The following WDR19 variants were observed in gnomAD, a reference collection of about 807,000 sequenced individuals.
The protein encoded by WDR19 is WD repeat-containing protein 19.
A neutral mutation model predicts 180.0 loss-of-function variants in WDR19; 121 were observed. That is an observed-to-expected ratio of 0.67 (90% confidence interval 0.58 to 0.78). The LOEUF is 0.78. WDR19 is among the 30% of genes least tolerant of loss of function. The pLI, the probability that WDR19 is intolerant of heterozygous loss-of-function variation, is 0.00. For synonymous variants in WDR19, 497 were observed against 540.7 expected (o/e 0.92, Z 1.12); for missense variants, 1,450 against 1,640.7 (o/e 0.88, Z 2.01).
At chr4:39,182,817 G>A (rs1009761167) in intron 1 of WDR19, among the ~76,000 whole-genome samples, 2 of 152,116 alleles carry the variant, frequency 1.3e-5, no homozygotes, top group African/African-American at 4.8e-5. Flanking sequence ...TAGAAGCGGT[G>A]CAGAAAGTGG....
intron 21 of WDR19, among the ~76,000 whole-genome samples, chr4:39,243,519 C>G (rs1323536196): frequency 6.6e-6 from 1 of 152,054 alleles, no homozygotes; most frequent in African/African-American, 2.4e-5. Flanking sequence ...TTGACATTTT[C>G]TTTGTCTGGC....
At chr4:39,208,303 A>ATTTT (rs34189923) in intron 9 of WDR19, among the ~76,000 whole-genome samples, 4 of 103,392 alleles carry the variant, frequency 3.9e-5, no homozygotes, top group Non-Finnish European at 8.3e-5. Flanking sequence ...GACTGAGTGG[A>ATTTT]TTTTTTTTTT....
chr4:39,187,561 C>G (rs1725703745), intron 3 of WDR19, among the ~76,000 whole-genome samples: 1 of 152,150 alleles, frequency 6.6e-6, no homozygotes, highest in Non-Finnish European at 1.5e-5. Context: ...CTCTAACAGC[C>G]TTTCCTACCT....
Position 39,234,619 on chromosome 4 carries a change from TA to T in WDR19, c.2254-146del. The T allele has an allele frequency of 4.6e-6, 3 of 648,030 alleles. No homozygotes were observed. The South Asian group carries it at 5.4e-5, about 12-fold the overall frequency. The allele number at this position is 648,030 out of a possible 1,614,324, so 40.1% of individuals were successfully genotyped here. A position where few individuals can be genotyped will look rare whatever the true frequency, so the allele number is the denominator to read the frequency against. The stretch of plus-strand genomic sequence containing the variant: ...TCAAGACCCTATTGAGAATACATAC[TA>T]TAGTAATATATTATCATTGTAAAGA... On this transcript the variant is annotated intron_variant, in intron 19 of 36. Transcript: ENST00000399820.
intron 36 of WDR19, among the ~76,000 whole-genome samples, chr4:39,283,204 T>C (rs1481262715): frequency 2.6e-5 from 4 of 152,208 alleles, no homozygotes; most frequent in South Asian, 4.1e-4. Context: ...TGAGATGATA[T>C]GGTTTTTTCT....
intron 9 of WDR19, among the ~76,000 whole-genome samples, chr4:39,207,028 TA>T (rs907446879): frequency 6.6e-6 from 1 of 151,844 alleles, no homozygotes; most frequent in East Asian, 1.9e-4. Flanking sequence ...GAAATAACAA[TA>T]AAAAAACACC....
intron 36 of WDR19, among the ~76,000 whole-genome samples, chr4:39,285,067 GAA>G (rs1049326078): frequency 9.4e-6 from 1 of 106,150 alleles, no homozygotes; most frequent in Non-Finnish European, 1.8e-5. Flanking sequence ...CATCTCCTAG[GAA>G]AAAAAAAAAG....
At chr4:39,191,090 T>G (rs1022296889) in intron 4 of WDR19, among the ~76,000 whole-genome samples, 1 of 152,188 alleles carries the variant, frequency 6.6e-6, no homozygotes, top group Non-Finnish European at 1.5e-5. Flanking sequence ...GGCATAAAAT[T>G]AAGACCCAAG....
In WDR19 at chr4:39,262,434, T is replaced by G. The variant is rs187006780; in HGVS notation, c.3184-3629T>G. Among the ~76,000 whole-genome samples the G allele has an allele frequency of 1.0e-3, 158 of 152,144 alleles. 1 individual carries two copies. The highest frequency in any genetic ancestry group is 3.6e-3 in the African/African-American group (149 of 41,512). On this transcript the variant is annotated intron_variant, in intron 28 of 36. Transcript: ENST00000399820. ...ATTTTTTATTTTTGTAGAGATGGGT[T>G]TTTGCTATGTTGCCTTGGCTGGTCT...
rs187028976 is a variant in WDR19, at chr4:39,199,603, T to C, written c.522+10T>C. The C allele has an allele frequency of 1.4e-5, 22 of 1,591,290 alleles. No individual in the cohort carries two copies. Among genetic ancestry groups the C allele is most frequent in the Non-Finnish European group, 5.2e-6 (6 of 1,160,190 alleles). ...TGACACGATAAGACAGGTAATACAG[T>C]AACGTCTCTTTGGTCTGATATATTC... On this transcript the variant is annotated intron_variant, in intron 6 of 36. Coordinates refer to ENST00000399820, the MANE Select transcript of WDR19 (RefSeq NM_025132.4).
chr4:39,258,893 C>T lies in WDR19; in HGVS notation c.3183+1339C>T, dbSNP rs190632202. Among the ~76,000 whole-genome samples, 491 of 152,220 alleles carry T rather than the reference C, an allele frequency of 3.2e-3. 5 individuals are homozygous for T. The highest frequency in any genetic ancestry group is 4.9e-3 in the Non-Finnish European group (330 of 68,022). ...GACCAGCCTGGCCAACATGGTGAAA[C>T]CCCATCTCTACTAAAAATACAAAAA... On this transcript the variant is annotated intron_variant, in intron 28 of 36. Coordinates refer to ENST00000399820, the MANE Select transcript of WDR19 (RefSeq NM_025132.4).
At chr4:39,259,881 C>G (rs1734118328) in intron 28 of WDR19, among the ~76,000 whole-genome samples, 1 of 152,152 alleles carries the variant, frequency 6.6e-6, no homozygotes, top group Non-Finnish European at 1.5e-5. Flanking sequence ...ACAACAATTC[C>G]TTGATATTGT....
intron 10 of WDR19, among the ~76,000 whole-genome samples, chr4:39,214,961 T>TG (rs1728914652): frequency 6.6e-6 from 1 of 152,098 alleles, no homozygotes; most frequent in East Asian, 1.9e-4. Flanking sequence ...TTAGTAGAGA[T>TG]GGGGTTTCAC....
intron 1 of WDR19, 80 bp from the exon 2 acceptor site, chr4:39,185,646 A>C: frequency 7.6e-7 from 1 of 1,318,100 alleles, no homozygotes; most frequent in Admixed American, 2.0e-5. Context: ...CATGGTTTTC[A>C]TGACCATGTT....
intron 10 of WDR19, among the ~76,000 whole-genome samples, 186 bp downstream of exon 10, chr4:39,214,857 C>T (rs1728902247): frequency 6.6e-6 from 1 of 151,604 alleles, no homozygotes; most frequent in Non-Finnish European, 1.5e-5. Flanking sequence ...ACTGCAACCT[C>T]CACCTCCCAG....
chr4:39,243,422 A>G (rs769914380), intron 21 of WDR19, among the ~76,000 whole-genome samples: 24 of 152,062 alleles, frequency 1.6e-4, no homozygotes, highest in Admixed American at 3.3e-4. Context: ...GTTTTTATTT[A>G]TTTATTGGCC....
intron 6 of WDR19, among the ~76,000 whole-genome samples, chr4:39,199,879 C>T (rs2109284684): frequency 6.6e-6 from 1 of 152,256 alleles, no homozygotes; most frequent in East Asian, 1.9e-4. Context: ...TGAAATAACT[C>T]TTATTTTATA....
At chr4:39,243,720 A>AG (rs1732209187) in intron 21 of WDR19, among the ~76,000 whole-genome samples, 6 of 152,340 alleles carry the variant, frequency 3.9e-5, no homozygotes, top group South Asian at 4.1e-4. Context: ...GTCATCACAG[A>AG]AAGTTTTACT....
At chr4:39,207,430 TC>T (rs929539240) in intron 9 of WDR19, among the ~76,000 whole-genome samples, 3 of 152,032 alleles carry the variant, frequency 2.0e-5, no homozygotes, top group African/African-American at 7.2e-5. Flanking sequence ...GCTCAGCAAG[TC>T]CCCAAAAGGA....
Sources: allele counts gnomAD v4.1 joint callset (sites outside exome capture counted in the v4.1 genomes callset), GRCh38; gene constraint gnomAD v4.1.1; transcripts MANE v1.5; gene names NCBI Gene and HGNC (gene_info 2026-07-23, HGNC 2026-07-21).